Variants in SNX29 observed in about 807,000 individuals in gnomAD.
SNX29 encodes sorting nexin 29.
In SNX29, 78 loss-of-function variants were observed where a neutral mutation model predicts 102.1. The observed-to-expected ratio is 0.76, with a 90% CI of 0.64 to 0.92. The LOEUF (loss-of-function observed/expected upper bound fraction) is 0.92, where lower values mean the gene tolerates loss of function less well. SNX29 is among the 40% of genes least tolerant of loss of function. SNX29 has a pLI of 0.00. For synonymous variants in SNX29, 580 were observed against 414.5 expected (o/e 1.40, Z -4.85); for missense variants, 1,280 against 1,061.7 (o/e 1.21, Z -2.86).
intron 15 of SNX29, among the ~76,000 whole-genome samples, chr16:12,320,953 CGTTT>C (rs2080911494): frequency 6.6e-6 from 1 of 152,172 alleles, no homozygotes; most frequent in South Asian, 2.1e-4. Flanking sequence ...AAAAGCAACA[CGTTT>C]GTTTTTCGTT....
At chr16:12,548,763 C>G (rs569872153) in intron 20 of SNX29, among the ~76,000 whole-genome samples, 2 of 152,302 alleles carry the variant, frequency 1.3e-5, no homozygotes, top group East Asian at 3.9e-4. Flanking sequence ...GAGCTCATCT[C>G]TCATCCCCCA....
chr16:12,280,492 C>T (rs537633637), intron 15 of SNX29, among the ~76,000 whole-genome samples: 6 of 152,164 alleles, frequency 3.9e-5, no homozygotes, highest in South Asian at 2.1e-4. Flanking sequence ...GAAGGTTCGT[C>T]TTACTGGCCT....
intron 20 of SNX29, chr16:12,556,527 G>C (rs555927190): frequency 2.6e-5 from 4 of 152,318 alleles, no homozygotes; most frequent in Non-Finnish European, 4.4e-5. Flanking sequence ...AGGAAGTGAC[G>C]ATGGGATTAC....
chr16:12,421,815 CCATCACCATCACTAGCCATG>C (rs2084881589), intron 18 of SNX29, among the ~76,000 whole-genome samples: 1 of 151,974 alleles, frequency 6.6e-6, no homozygotes. Flanking sequence ...TATTAACCAT[CCATCACCATCACTAGCCATG>C]CATCACCATC....
chr16:12,054,250 G>C (rs2050428468), intron 8 of SNX29, among the ~76,000 whole-genome samples: 1 of 152,242 alleles, frequency 6.6e-6, no homozygotes, highest in African/African-American at 2.4e-5. Flanking sequence ...ACAGGCATGA[G>C]CCACTGTGCC....
Position 12,570,401 on chromosome 16 carries a change from A to C in SNX29, c.*1772A>C, listed in dbSNP as rs1414985774. 1.7e-5 allele frequency: 5 copies of C among 288,782 alleles called. No individual in the cohort carries two copies. The highest frequency in any genetic ancestry group is 1.1e-3 in the Middle Eastern group (1 of 884). 17.9% of individuals were successfully genotyped at this position (288,782 alleles called of 1,614,324 possible). A position where few individuals can be genotyped will look rare whatever the true frequency, so the allele number is the denominator to read the frequency against. ...ATCTGAAATTCCAAGGCCAGAGTGC[A>C]CATCAGCTCACATGACTGGCAACTC... On this transcript the variant is annotated 3_prime_UTR_variant, in exon 21 of 21. Coordinates refer to ENST00000566228, the MANE Select transcript of SNX29 (RefSeq NM_032167.5).
At chr16:12,534,649 G>A (rs972488939) in intron 20 of SNX29, among the ~76,000 whole-genome samples, 1 of 152,208 alleles carries the variant, frequency 6.6e-6, no homozygotes, top group Non-Finnish European at 1.5e-5. Context: ...TTCACCTGAA[G>A]GAGTTCCCTG....
Position 12,106,446 on chromosome 16 carries a change from C to A in SNX29, c.1403-20187C>A, listed in dbSNP as rs76892269. On this transcript the variant is annotated intron_variant, in intron 11 of 20. Transcript: ENST00000566228. ...CATTTCTGCCAGAGCGGAGATAAGG[C>A]CCCCTCCTCGGCCCCCTCCTTTTCT... Among the ~76,000 whole-genome samples the A allele has an allele frequency of 9.1e-3, 1,383 of 152,046 alleles. 19 individuals carry two copies. Among genetic ancestry groups the A allele is most frequent in the African/African-American group, 0.031 (1,289 of 41,468 alleles).
chr16:12,457,707 G>C (rs2086600228), intron 18 of SNX29, among the ~76,000 whole-genome samples: 1 of 152,182 alleles, frequency 6.6e-6, no homozygotes, highest in Admixed American at 6.5e-5. Flanking sequence ...GTGGTGCTTT[G>C]CAAGCCTGCA....
intron 18 of SNX29, among the ~76,000 whole-genome samples, chr16:12,459,683 AG>A (rs1203451300): frequency 6.6e-6 from 1 of 152,186 alleles, no homozygotes; most frequent in African/African-American, 2.4e-5. Flanking sequence ...GGGAGGAAGC[AG>A]GATCCCTTGG....
At chr16:12,243,913 A>ACT (rs2078185730) in intron 14 of SNX29, among the ~76,000 whole-genome samples, 4 of 152,188 alleles carry the variant, frequency 2.6e-5, no homozygotes, top group African/African-American at 7.2e-5. Flanking sequence ...CCATTGTCAA[A>ACT]TGTCATGGAG....
intron 18 of SNX29, among the ~76,000 whole-genome samples, chr16:12,467,394 G>C (rs1183960058): frequency 1.3e-5 from 2 of 152,198 alleles, no homozygotes; most frequent in African/African-American, 4.8e-5. Context: ...ATCCATAAGA[G>C]CTGTAGATGA....
chr16:12,084,542 C>T (rs1230619265), intron 11 of SNX29, among the ~76,000 whole-genome samples: 1 of 152,192 alleles, frequency 6.6e-6, no homozygotes, highest in Non-Finnish European at 1.5e-5. Flanking sequence ...CGGAGCTGTA[C>T]CTGGGGTTGG....
chr16:12,150,541 A>G (rs1043170636), intron 13 of SNX29, among the ~76,000 whole-genome samples: 1 of 152,216 alleles, frequency 6.6e-6, no homozygotes, highest in African/African-American at 2.4e-5. Context: ...TGAGGAGCAG[A>G]CCTTTTGAAG....
At chr16:12,545,453 G>A (rs1010873267) in intron 20 of SNX29, 1 of 152,234 alleles carries the variant, frequency 6.6e-6, no homozygotes, top group African/African-American at 2.4e-5. Flanking sequence ...CAGGGCTTGT[G>A]GACGGATAGG....
intron 19 of SNX29, among the ~76,000 whole-genome samples, chr16:12,517,773 G>A (rs1392006829): frequency 3.9e-5 from 6 of 152,110 alleles, no homozygotes; most frequent in Admixed American, 2.0e-4. Flanking sequence ...AGCAACGAGT[G>A]CTTTGAAGAA....
intron 15 of SNX29, among the ~76,000 whole-genome samples, chr16:12,315,197 A>G (rs755195747): frequency 1.3e-5 from 2 of 152,138 alleles, no homozygotes; most frequent in Non-Finnish European, 2.9e-5. Flanking sequence ...GGTGCATTGG[A>G]CCGGGCTTCA....
intron 20 of SNX29, among the ~76,000 whole-genome samples, chr16:12,535,178 A>C (rs959076483): frequency 6.6e-6 from 1 of 152,198 alleles, no homozygotes; most frequent in Non-Finnish European, 1.5e-5. Flanking sequence ...TCACTCTGTC[A>C]CCAAGGCTGG....
rs921368634 is a variant in SNX29, at chr16:12,134,509, C to T, written c.1595+4751C>T. ...GGCAGGAGGCTTCAGCTCGTTGCCA[C>T]GTGGGCCTCTCCGTGGGGCTGCTCC... On this transcript the variant is annotated intron_variant, in intron 13 of 20. Transcript: ENST00000566228. 7.2e-5 allele frequency among the ~76,000 whole-genome samples: 11 copies of T among 152,294 alleles called. 1 individual carries two copies. Among genetic ancestry groups the T allele is most frequent in the East Asian group, 3.9e-4 (2 of 5,184 alleles).
Sources: allele counts gnomAD v4.1 joint callset (sites outside exome capture counted in the v4.1 genomes callset), GRCh38; gene constraint gnomAD v4.1.1; transcripts MANE v1.5; gene names NCBI Gene and HGNC (gene_info 2026-07-23, HGNC 2026-07-21).